Variants in HGS observed in about 807,000 individuals in gnomAD.
The protein encoded by HGS is hepatocyte growth factor-regulated tyrosine kinase substrate, also known as human growth factor-regulated tyrosine kinase substrate.
HGS carries 63 observed loss-of-function variants against 109.7 expected under a neutral mutation model. The observed-to-expected ratio is 0.57, with a 90% CI of 0.47 to 0.71. The LOEUF (loss-of-function observed/expected upper bound fraction) is 0.71, where lower values mean the gene tolerates loss of function less well. Ranked by LOEUF, HGS falls within the 30% of genes least tolerant of loss-of-function variation. HGS has a pLI of 0.00. For missense variants in HGS, 995 were observed against 1,068.3 expected (o/e 0.93, Z 0.96); for synonymous variants, 546 against 437.3 (o/e 1.25, Z -3.10).
Position 81,697,014 on chromosome 17 carries a change from G to C in HGS, c.1882+16G>C. ...ACTGCGGCTGGTAAGGACGGGTCGGGGCAGAGACCATGCCTTTTATCCCTC... is the reference window on the plus strand; with the variant it reads ...ACTGCGGCTGGTAAGGACGGGTCGGCGCAGAGACCATGCCTTTTATCCCTC... On this transcript the variant is annotated intron_variant, in intron 18 of 21. Coordinates refer to ENST00000329138, the MANE Select transcript of HGS (RefSeq NM_004712.5). 6.5e-7 allele frequency: 1 copy of C among 1,541,226 alleles called. No individual in the cohort carries two copies.
At chr17:81,701,170 G>C in intron 21 of HGS, 39 bp downstream of exon 21, 1 of 1,548,076 alleles carries the variant, frequency 6.5e-7, no homozygotes, top group East Asian at 2.2e-5. Flanking sequence ...CACCCGCAGG[G>C]CACCCTCAGG....
At position 81,696,456 on chromosome 17, in the gene HGS, C is replaced by T; in HGVS notation, c.1493C>T (p.Ala498Val). Residue 498 changes from alanine (A) to valine (V), a missense_variant, in exon 16 of 22, where the codon GCA (alanine) becomes GTA (valine). By Grantham distance (64) the Ala-to-Val change is moderately conservative. Coordinates refer to ENST00000329138, the MANE Select transcript of HGS (RefSeq NM_004712.5). ...REEHREKLRR[A>V]AEEAERQRQI... ...GAGCACCGGGAGAAGCTTCGCCGGGCAGCCGAGGAGGCAGAGCGCCAGCGC... is the reference window on the plus strand; with the variant it reads ...GAGCACCGGGAGAAGCTTCGCCGGGTAGCCGAGGAGGCAGAGCGCCAGCGC... 6.5e-7 allele frequency: 1 copy of T among 1,543,590 alleles called. No individual in the cohort carries two copies. Among genetic ancestry groups the T allele is most frequent in the Non-Finnish European group, 8.7e-7 (1 of 1,146,342 alleles).
chr17:81,684,525 G>A (rs2036940116), intron 1 of HGS: 1 of 173,498 alleles, frequency 5.8e-6, no homozygotes, highest in Non-Finnish European at 1.2e-5. Context: ...GGAGCCGGCA[G>A]TGTTCTCTCT....
chr17:81,684,228 C>T, intron 1 of HGS, 125 bp downstream of exon 1: 2 of 901,478 alleles, frequency 2.2e-6, no homozygotes, highest in Non-Finnish European at 3.0e-6. Context: ...CTCCCCGGCC[C>T]GCTGTCCTCC....
rs755724302 is a variant in HGS, at chr17:81,686,430, C to T, written c.198+43C>T. 23 of 1,413,050 alleles carry T rather than the reference C, an allele frequency of 1.6e-5. No individual in the cohort carries two copies. In the Admixed American group the frequency reaches 1.9e-4, roughly 11 times the overall value. 87.5% of individuals were successfully genotyped at this position (1,413,050 alleles called of 1,614,324 possible). ...CCTCAGTGGCCCCCAGGGTCCCTACCCCCTACTAGTCACGACAGCATGAGA... is the reference window on the plus strand; with the variant it reads ...CCTCAGTGGCCCCCAGGGTCCCTACTCCCTACTAGTCACGACAGCATGAGA... On this transcript the variant is annotated intron_variant, in intron 3 of 21. Coordinates refer to ENST00000329138, the MANE Select transcript of HGS (RefSeq NM_004712.5).
chr17:81,684,603 G>T (rs1194750333), intron 1 of HGS, among the ~76,000 whole-genome samples: 1 of 152,200 alleles, frequency 6.6e-6, no homozygotes, highest in Non-Finnish European at 1.5e-5. Context: ...CTGGCTTCGG[G>T]AAGTGCCTAA....
Position 81,700,468 on chromosome 17 carries a change from TC to T in HGS, c.1887del (p.Ser630AlafsTer3). ...TCTCCCCTGTCTTGTTTGTCACAGA[TC>T]CCAGCATGGTGAGTGCCTACATGTA... is the stretch of plus-strand genomic sequence containing the variant. ...YPSMPSTAAD[P>X]SMVSAYMYPA... is the part of the protein sequence containing the mutation. On this transcript the variant is annotated frameshift_variant and splice_region_variant, in exon 19 of 22. Coordinates refer to ENST00000329138, the MANE Select transcript of HGS (RefSeq NM_004712.5). LOFTEE classifies it high-confidence loss of function. The T allele has an allele frequency of 6.4e-7, 1 of 1,561,812 alleles. No homozygotes were observed. Among genetic ancestry groups the T allele is most frequent in the Non-Finnish European group, 8.7e-7 (1 of 1,151,788 alleles).
chr17:81,694,508 G>A (rs1346346816), intron 11 of HGS, among the ~76,000 whole-genome samples: 1 of 152,174 alleles, frequency 6.6e-6, no homozygotes, highest in Admixed American at 6.5e-5. Context: ...GGCCCCACAC[G>A]CTGGACCGTG....
At position 81,691,500 on chromosome 17, in the gene HGS, C is replaced by G. The variant is rs201637212; in HGVS notation, c.591C>G (p.Tyr197Ter). The G allele has an allele frequency of 6.2e-7, 1 of 1,614,202 alleles. No homozygotes were observed. The part of the protein sequence containing the change: ...QIFCGKCSSK[Y>*]STIPKFGIEK... ...TCTGTGGAAAGTGTTCTTCCAAGTA[C>G]TCCACCATCCCCAAGTTTGGCATCG... The change falls in exon 8 of 22, where the codon TAC (tyrosine) becomes TAG (stop). Residue 197 changes from tyrosine to a stop codon, truncating the protein, a stop_gained. Transcript: ENST00000329138. LOFTEE classifies it high-confidence loss of function. The surrounding 1 kb of genome is among the most constrained non-coding windows in gnomAD (Gnocchi z 5.3).
chr17:81,685,772 C>T (rs906450861), intron 2 of HGS, 83 bp downstream of exon 2: 19 of 1,001,630 alleles, frequency 1.9e-5, no homozygotes, highest in African/African-American at 6.4e-5. Flanking sequence ...TGGGTCTCCA[C>T]GACGTAGCTG....
At chr17:81,700,971 G>C in intron 20 of HGS, 74 bp from the exon 21 acceptor site, 1 of 1,549,500 alleles carries the variant, frequency 6.5e-7, no homozygotes, top group Non-Finnish European at 8.9e-7. Flanking sequence ...CCTTTGGATT[G>C]TTGCAAGCCA....
At chr17:81,694,886 G>T in intron 12 of HGS, 33 bp downstream of exon 12, 1 of 1,614,248 alleles carries the variant, frequency 6.2e-7, no homozygotes, top group Non-Finnish European at 8.5e-7. Flanking sequence ...TCCTCTCACG[G>T]TTTCTGGCCT....
Position 81,691,451 on chromosome 17 carries a change from A to C in HGS, c.542A>C (p.His181Pro). The C allele has an allele frequency of 6.2e-7, 1 of 1,613,868 alleles. No homozygotes were observed. Among genetic ancestry groups the C allele is most frequent in the Non-Finnish European group, 8.5e-7 (1 of 1,179,960 alleles). ...CCCGCCCGCCCCATCTTACAGCACC[A>C]CTGCCGGGCGTGTGGGCAGATATTC... Reference protein sequence around the residue: ...VQFGVMTRKHHCRACGQIFCG... With the variant: ...VQFGVMTRKHPCRACGQIFCG... The change falls in exon 8 of 22, where the codon CAC (histidine) becomes CCC (proline). Residue 181 changes from histidine (H) to proline (P), a missense_variant. By Grantham distance (77) the His-to-Pro change is moderately conservative (BLOSUM62 -2). This residue lies in a region of HGS where 182 missense variants were observed against 261.3 expected (regional missense o/e 0.70). Coordinates refer to ENST00000329138, the MANE Select transcript of HGS (RefSeq NM_004712.5). This position sits in a 1 kb window ranked among gnomAD's most constrained non-coding sequence, Gnocchi z 5.3.
chr17:81,700,950 C>T, intron 20 of HGS, 95 bp from the exon 21 acceptor site: 2 of 1,527,798 alleles, frequency 1.3e-6, no homozygotes, highest in Non-Finnish European at 9.1e-7. Flanking sequence ...TCTGGGTGCT[C>T]CCTGTGGTCA....
intron 8 of HGS, chr17:81,692,176 TC>T (rs2037074458): frequency 6.5e-6 from 1 of 153,092 alleles, no homozygotes; most frequent in Non-Finnish European, 1.5e-5. Context: ...TGCTCTGTGG[TC>T]CACGTTCCAT....
rs1202761878 is a variant in HGS at position 81,691,029 on chromosome 17, G to A, written c.537+287G>A. On this transcript the variant is annotated intron_variant, in intron 7 of 21. Transcript: ENST00000329138. The surrounding 1 kb of genome is among the most constrained non-coding windows in gnomAD (Gnocchi z 5.3). ...CACTCTGCTGCTTGCCAGGGCCGTGGGGCCCCCTTCTCTTTGTGGCTTAGC... is the reference window on the plus strand; with the variant it reads ...CACTCTGCTGCTTGCCAGGGCCGTGAGGCCCCCTTCTCTTTGTGGCTTAGC... Among the ~76,000 whole-genome samples, 4 of 152,196 alleles carry A rather than the reference G, an allele frequency of 2.6e-5. No individual in the cohort carries two copies. The highest frequency in any genetic ancestry group is 6.5e-5 in the Admixed American group (1 of 15,286).
intron 11 of HGS, 107 bp downstream of exon 11, chr17:81,694,072 C>T: frequency 1.1e-6 from 1 of 948,302 alleles, no homozygotes; most frequent in Non-Finnish European, 1.5e-6. Context: ...ATGCGGGTCC[C>T]CGGGCTTCCC....
Position 81,696,715 on chromosome 17 carries a change from C to G in HGS, c.1675C>G (p.Gln559Glu). Residue 559 changes from glutamine to glutamate, a missense_variant, in exon 17 of 22, where the codon CAG (glutamine) becomes GAG (glutamate). Coordinates refer to ENST00000329138, the MANE Select transcript of HGS (RefSeq NM_004712.5). ...QQKQTVQMRA[Q>E]MPAFPLPYAQ... ...GAAGCAGACGGTCCAGATGCGCGCG[C>G]AGATGCCCGCCTTCCCCCTGCCCTA... 1 of 1,608,600 alleles carries G rather than the reference C, an allele frequency of 6.2e-7. No homozygotes were observed. Among genetic ancestry groups the G allele is most frequent in the Non-Finnish European group, 8.5e-7 (1 of 1,177,430 alleles).
intron 15 of HGS, 70 bp downstream of exon 15, chr17:81,696,069 G>A: frequency 7.4e-7 from 1 of 1,359,650 alleles, no homozygotes; most frequent in Non-Finnish European, 9.9e-7. Context: ...CTGGGCCAGG[G>A]CCTCCCCTGA....
Sources: allele counts gnomAD v4.1 joint callset (sites outside exome capture counted in the v4.1 genomes callset), GRCh38; gene constraint gnomAD v4.1.1; regional missense constraint gnomAD v4.1.1; non-coding constraint Gnocchi (gnomAD v3.1); transcripts MANE v1.5; gene names NCBI Gene and HGNC (gene_info 2026-07-23, HGNC 2026-07-21).